Variants in KLHDC1 observed in about 807,000 individuals in gnomAD.
KLHDC1 encodes the protein kelch domain containing 1.
A neutral mutation model predicts 68.3 loss-of-function variants in KLHDC1; 53 were observed. The observed-to-expected ratio is 0.78, with a 90% confidence interval of 0.62 to 0.98. The LOEUF (loss-of-function observed/expected upper bound fraction) is 0.98, where lower values mean the gene tolerates loss of function less well. KLHDC1 is among the 50% of genes least tolerant of loss of function. The probability of loss-of-function intolerance (pLI) is 0.00; values close to 1 mark genes in which losing one functional copy is unlikely to be tolerated. For missense variants in KLHDC1, 470 were observed against 492.3 expected (o/e 0.95, Z 0.43); for synonymous variants, 148 against 159.0 (o/e 0.93, Z 0.52).
At chr14:49,738,607 C>T (rs893683732) in intron 10 of KLHDC1, among the ~76,000 whole-genome samples, 2 of 152,142 alleles carry the variant, frequency 1.3e-5, no homozygotes, top group Non-Finnish European at 2.9e-5. Context: ...CTCAGCCTCC[C>T]AAAGTGATGG....
intron 1 of KLHDC1, among the ~76,000 whole-genome samples, chr14:49,694,312 A>G (rs535931751): frequency 6.6e-6 from 1 of 152,204 alleles, no homozygotes; most frequent in East Asian, 1.9e-4. Context: ...TTCTTAAGCC[A>G]TCTGGAAGTT....
At chr14:49,704,398 T>G (rs1887992578) in intron 1 of KLHDC1, among the ~76,000 whole-genome samples, 2 of 131,160 alleles carry the variant, frequency 1.5e-5, no homozygotes, top group Admixed American at 7.7e-5. Context: ...TTTTTTTTTT[T>G]TTTTTTTTTT....
chr14:49,694,583 G>T (rs890558011), intron 1 of KLHDC1, among the ~76,000 whole-genome samples: 3 of 152,170 alleles, frequency 2.0e-5, no homozygotes, highest in Non-Finnish European at 2.9e-5. Context: ...GCTGGGCGCG[G>T]TGGCTCACAC....
At chr14:49,715,005 T>A (rs1888333116) in intron 4 of KLHDC1, among the ~76,000 whole-genome samples, 1 of 147,414 alleles carries the variant, frequency 6.8e-6, no homozygotes, top group Admixed American at 6.8e-5. Context: ...TATAGAAACT[T>A]ATTTTTATCT....
chr14:49,713,838 ATATATATATATATTTT>A (rs1413657191), intron 4 of KLHDC1, among the ~76,000 whole-genome samples: 2 of 6,170 alleles, frequency 3.2e-4, no homozygotes, highest in Admixed American at 3.1e-3. Context: ...ATATATATAT[ATATATATATATATTTT>A]TTTTTTTTTT....
chr14:49,695,707 C>G (rs184440217), intron 1 of KLHDC1, among the ~76,000 whole-genome samples: 2 of 152,324 alleles, frequency 1.3e-5, no homozygotes, highest in East Asian at 1.9e-4. Flanking sequence ...ATTGACTTCT[C>G]TCTAGCTATG....
At chr14:49,695,168 G>T (rs1487731663) in intron 1 of KLHDC1, among the ~76,000 whole-genome samples, 1 of 134,976 alleles carries the variant, frequency 7.4e-6, no homozygotes, top group Non-Finnish European at 1.6e-5. Context: ...AATCTCTCCT[G>T]CAACCTCTGC....
intron 3 of KLHDC1, 89 bp downstream of exon 3, chr14:49,709,915 G>T (rs1033682017): frequency 1.0e-4 from 69 of 680,628 alleles, no homozygotes; most frequent in Non-Finnish European, 1.5e-4. Context: ...TTAAAAAGAA[G>T]ATATATATAG....
chr14:49,718,588 C>A (rs917665417), intron 4 of KLHDC1, among the ~76,000 whole-genome samples: 1 of 151,890 alleles, frequency 6.6e-6, no homozygotes, highest in Non-Finnish European at 1.5e-5. Context: ...GCATAGTATT[C>A]TTTTGTCATC....
intron 1 of KLHDC1, among the ~76,000 whole-genome samples, chr14:49,694,129 G>A (rs940778117): frequency 6.6e-6 from 1 of 152,016 alleles, no homozygotes; most frequent in Non-Finnish European, 1.5e-5. Flanking sequence ...CAAAATAGAC[G>A]CATGTTAGCA....
Position 49,730,030 on chromosome 14 carries a change from T to C in KLHDC1, c.710+482T>C, listed in dbSNP as rs1324517321. On this transcript the variant is annotated intron_variant, in intron 8 of 12. Coordinates refer to ENST00000359332, the MANE Select transcript of KLHDC1 (RefSeq NM_172193.3). The stretch of plus-strand genomic sequence containing the variant: ...ACCATGAAAGTCTCAGAAGAAAATA[T>C]AGCAGATTATCTTTAAAATGTTGGC... Among the ~76,000 whole-genome samples, 3 of 152,288 alleles carry C rather than the reference T, an allele frequency of 2.0e-5. No homozygotes were observed. In the East Asian group the frequency reaches 5.8e-4, roughly 29 times the overall value.
At chr14:49,719,072 G>A (rs889408506) in intron 4 of KLHDC1, among the ~76,000 whole-genome samples, 2 of 151,564 alleles carry the variant, frequency 1.3e-5, no homozygotes, top group East Asian at 1.9e-4. Flanking sequence ...GAGCCACCCC[G>A]CCCAGCCTGT....
intron 10 of KLHDC1, among the ~76,000 whole-genome samples, chr14:49,738,784 C>G (rs1888993033): frequency 6.6e-6 from 1 of 152,230 alleles, no homozygotes; most frequent in African/African-American, 2.4e-5. Context: ...CAAGCACTCT[C>G]CAGAGTGGGA....
chr14:49,749,550 C>T (rs1473385141), intron 12 of KLHDC1, among the ~76,000 whole-genome samples: 1 of 151,510 alleles, frequency 6.6e-6, no homozygotes, highest in Non-Finnish European at 1.5e-5. Context: ...TGGTGGCATG[C>T]GCCTGTAGTC....
chr14:49,711,910 CTTTTTTTTTTTTTTT>C (rs992092493), intron 4 of KLHDC1, among the ~76,000 whole-genome samples: 3 of 76,616 alleles, frequency 3.9e-5, no homozygotes, highest in African/African-American at 1.5e-4. Context: ...TTTTCTTTTT[CTTTTTTTTTTTTTTT>C]TTTTTTTTTT....
intron 7 of KLHDC1, 58 bp from the exon 8 acceptor site, chr14:49,729,432 A>G (rs1469107552): frequency 1.7e-6 from 2 of 1,171,392 alleles, no homozygotes; most frequent in Non-Finnish European, 2.6e-6. Flanking sequence ...TTTAAAAGAA[A>G]AATTTTAGCT....
At chr14:49,717,443 G>T (rs979515541) in intron 4 of KLHDC1, among the ~76,000 whole-genome samples, 2 of 152,016 alleles carry the variant, frequency 1.3e-5, no homozygotes, top group Non-Finnish European at 2.9e-5. Context: ...TTTCATTGTG[G>T]TTTTGATTTG....
At chr14:49,746,950 CTTTTT>C (rs527399327) in intron 12 of KLHDC1, among the ~76,000 whole-genome samples, 1 of 139,114 alleles carries the variant, frequency 7.2e-6, no homozygotes, top group Admixed American at 7.3e-5. Context: ...AGCTTTCTCT[CTTTTT>C]TTTTTTTTTT....
chr14:49,693,330 A>T (rs1887624671), intron 1 of KLHDC1, 40 bp downstream of exon 1: 1 of 1,359,368 alleles, frequency 7.4e-7, no homozygotes, highest in Non-Finnish European at 9.7e-7. Flanking sequence ...TCGCGCCGGG[A>T]GACCCTCGGC....
Sources: gnomAD v4.1 joint callset for allele counts (sites outside exome capture counted in the v4.1 genomes callset) on GRCh38, gnomAD v4.1.1 for gene constraint, MANE v1.5 for transcripts, NCBI Gene and HGNC (gene_info 2026-07-23, HGNC 2026-07-21) for gene names.